OR2C1: variants seen among roughly 807,000 people sequenced by gnomAD.
The protein encoded by OR2C1 is olfactory receptor 2C1.
For synonymous variants in OR2C1, 209 were observed against 167.3 expected (o/e 1.25, Z -1.92); for missense variants, 468 against 388.3 (o/e 1.21, Z -1.73).
chr16:3,324,095 G>C, the OR2C1 span, among the ~76,000 whole-genome samples: 43 of 152,238 alleles, frequency 2.8e-4, no homozygotes, highest in African/African-American at 9.6e-4. Context: ...TGTTCACAAA[G>C]ACAAAATTAA....
upstream of OR2C1, among the ~76,000 whole-genome samples, chr16:3,351,504 C>T (rs1372455194): frequency 2.0e-5 from 3 of 152,092 alleles, no homozygotes; most frequent in African/African-American, 7.2e-5. Flanking sequence ...AAGTAAAAAA[C>T]CCACTTCTCC....
chr16:3,345,800 C>G, the OR2C1 span, among the ~76,000 whole-genome samples: 1 of 146,402 alleles, frequency 6.8e-6, no homozygotes, highest in African/African-American at 2.5e-5. Context: ...TTCTCTCTTT[C>G]TCTTTTCTCT....
the OR2C1 span, among the ~76,000 whole-genome samples, chr16:3,335,695 T>A: frequency 4.5e-4 from 69 of 152,086 alleles, no homozygotes; most frequent in Admixed American, 1.4e-3. Context: ...TCCAGCTAAT[T>A]TTTGTATTTT....
At chr16:3,344,409 T>C in the OR2C1 span, among the ~76,000 whole-genome samples, 1 of 152,150 alleles carries the variant, frequency 6.6e-6, no homozygotes, top group African/African-American at 2.4e-5. Context: ...GATAACATTT[T>C]ATGCTCATCA....
Position 3,356,856 on chromosome 16 carries a change from G to C in OR2C1, c.916G>C (p.Gly306Arg), listed in dbSNP as rs775061923. 1.3e-6 allele frequency: 2 copies of C among 1,599,494 alleles called. No homozygotes were observed. Among genetic ancestry groups the C allele is most frequent in the Non-Finnish European group, 1.7e-6 (2 of 1,171,598 alleles). Residue 306 changes from glycine to arginine, a missense_variant, in exon 1 of 1, where the codon GGG becomes CGG. By Grantham distance (125) the Gly-to-Arg change is moderately radical (BLOSUM62 -2). Coordinates refer to ENST00000304936, the MANE Select transcript of OR2C1 (RefSeq NM_012368.3). ...EVKGALRRLL[G>R]KGREVG ...GAAGGGCGCACTGAGGAGGTTGCTG[G>C]GGAAAGGAAGAGAAGTTGGCTGAGA...
At chr16:3,353,758 G>T (rs910680560), upstream of OR2C1, among the ~76,000 whole-genome samples, 13 of 151,728 alleles carry the variant, frequency 8.6e-5, no homozygotes, top group African/African-American at 2.7e-4. Context: ...CTGAGATCAC[G>T]CCACTGCACT....
upstream of OR2C1, chr16:3,355,840 C>T (rs2030656890): frequency 1.7e-5 from 14 of 806,014 alleles, no homozygotes; most frequent in South Asian, 8.6e-5. Flanking sequence ...ACTATTAGAC[C>T]GTTCCTGATG....
Position 3,356,160 on chromosome 16 carries a change from G to T in OR2C1, c.220G>T (p.Ala74Ser), listed in dbSNP as rs188328730. 3 of 1,613,954 alleles carry T rather than the reference G, an allele frequency of 1.9e-6. No homozygotes were observed. The highest frequency in any genetic ancestry group is 2.5e-6 in the Non-Finnish European group (3 of 1,180,048). The change falls in exon 1 of 1, where the codon GCT becomes TCT. Residue 74 changes from alanine (A) to serine (S), a missense_variant. Coordinates refer to ENST00000304936, the MANE Select transcript of OR2C1 (RefSeq NM_012368.3). ...SNLSSLDLAF[A>S]TSSVPQMLIN... The stretch of plus-strand genomic sequence containing the variant: ...CCTCTCCTCCTTGGACCTTGCTTTC[G>T]CTACTAGTTCAGTCCCCCAAATGCT...
At chr16:3,345,775 CTCTT>C in the OR2C1 span, among the ~76,000 whole-genome samples, 399 of 150,260 alleles carry the variant, frequency 2.7e-3, 7 homozygotes, top group Admixed American at 0.023. Context: ...CTTTCTCTCC[CTCTT>C]TCTTTTTTCT....
At chr16:3,355,335 G>A (rs2030643627), upstream of OR2C1, among the ~76,000 whole-genome samples, 2 of 151,504 alleles carry the variant, frequency 1.3e-5, no homozygotes, top group Admixed American at 1.3e-4. Flanking sequence ...GTGCATGCCT[G>A]TAGTCCCAGC....
chr16:3,341,693 G>A, the OR2C1 span, among the ~76,000 whole-genome samples: 1 of 152,204 alleles, frequency 6.6e-6, no homozygotes, highest in African/African-American at 2.4e-5. Context: ...GGTAAGGTCT[G>A]CAAAGTTCCT....
At chr16:3,345,577 A>T in the OR2C1 span, among the ~76,000 whole-genome samples, 10 of 152,244 alleles carry the variant, frequency 6.6e-5, no homozygotes, top group African/African-American at 2.2e-4. Context: ...ACACACACAC[A>T]TATATTTGTT....
chr16:3,329,195 C>CACACACACACACACACAG, the OR2C1 span, among the ~76,000 whole-genome samples: 11 of 150,868 alleles, frequency 7.3e-5, no homozygotes, highest in African/African-American at 2.7e-4. Context: ...CACACACACA[C>CACACACACACACACACAG]ACACACACAC....
chr16:3,349,612 A>G, the OR2C1 span, among the ~76,000 whole-genome samples: 2 of 152,266 alleles, frequency 1.3e-5, no homozygotes, highest in Non-Finnish European at 2.9e-5. Flanking sequence ...AACAATCCCT[A>G]GACTGATTAT....
At chr16:3,346,557 A>C in the OR2C1 span, among the ~76,000 whole-genome samples, 2 of 151,784 alleles carry the variant, frequency 1.3e-5, no homozygotes, top group Non-Finnish European at 2.9e-5. Context: ...TCTTGCTCTG[A>C]ATTTTAAAAA....
upstream of OR2C1, among the ~76,000 whole-genome samples, chr16:3,355,512 TG>T (rs35394728): frequency 0.28 from 40,119 of 143,042 alleles, 5,730 homozygotes; most frequent in African/African-American, 0.32. Context: ...CCAGGTGCAG[TG>T]GTTCATGCCT....
At chr16:3,328,200 T>C in the OR2C1 span, among the ~76,000 whole-genome samples, 3 of 152,216 alleles carry the variant, frequency 2.0e-5, no homozygotes, top group Non-Finnish European at 4.4e-5. Flanking sequence ...CAAACTGCTG[T>C]GAAAGATCCT....
the OR2C1 span, among the ~76,000 whole-genome samples, chr16:3,333,101 G>A: frequency 6.6e-6 from 1 of 151,036 alleles, no homozygotes; most frequent in African/African-American, 2.4e-5. Context: ...ATCTCATTGT[G>A]GTTTTGATTT....
the OR2C1 span, chr16:3,323,198 G>C: frequency 2.9e-6 from 2 of 700,964 alleles, no homozygotes; most frequent in Non-Finnish European, 5.1e-6. Context: ...AGTTCAGCTG[G>C]CAGATGAGCT....
Sources: allele counts gnomAD v4.1 joint callset (sites outside exome capture counted in the v4.1 genomes callset), GRCh38; gene constraint gnomAD v4.1.1; transcripts MANE v1.5; gene names NCBI Gene and HGNC (gene_info 2026-07-23, HGNC 2026-07-21).